The following RREB1 variants were observed in gnomAD, a reference collection of about 807,000 sequenced individuals.
RREB1 encodes the protein ras-responsive element-binding protein 1.
RREB1 carries 27 observed loss-of-function variants against 117.8 expected under a neutral mutation model. The ratio of observed to expected loss-of-function variants is 0.23; its 90% CI spans 0.17 to 0.32. The LOEUF is 0.32. Among genes scored for constraint, RREB1 ranks in the 10% least tolerant of loss-of-function variants. The pLI, the probability that RREB1 is intolerant of heterozygous loss-of-function variation, is 1.00. For missense variants in RREB1, 2,577 were observed against 2,378.2 expected (o/e 1.08, Z -1.74); for synonymous variants, 1,298 against 1,026.7 (o/e 1.26, Z -5.05).
chr6:7,228,856 A>G (rs1488625445), intron 9 of RREB1, 141 bp from the exon 10 acceptor site: 3 of 721,376 alleles, frequency 4.2e-6, no homozygotes, highest in East Asian at 3.3e-5. Context: ...TATATTGCCC[A>G]GGCTGGGAAC....
At chr6:7,116,980 G>C (rs1761426997) in intron 1 of RREB1, among the ~76,000 whole-genome samples, 1 of 152,136 alleles carries the variant, frequency 6.6e-6, no homozygotes, top group South Asian at 2.1e-4. Flanking sequence ...CTTAGTTAGA[G>C]TTTTGTTTCA....
Position 7,230,255 on chromosome 6 carries a change from G to T in RREB1, c.2156G>T (p.Arg719Leu). Residue 719 changes from arginine to leucine, a missense_variant, in exon 10 of 13, where the codon CGC becomes CTC. By Grantham distance (102) the Arg-to-Leu change is moderately radical. Transcript: ENST00000379938. ...AAAGCCAACTGCGAGCGGCACCTGC[G>T]CAAGAAGCACCTCAAGGCCACCCGC... ...TVKANCERHL[R>L]KKHLKATRKD... 2 of 1,601,604 alleles carry T rather than the reference G, an allele frequency of 1.2e-6. No individual in the cohort carries two copies. The highest frequency in any genetic ancestry group is 1.1e-5 in the South Asian group (1 of 91,054).
chr6:7,211,467 C>A lies in RREB1; in HGVS notation c.571-106C>A, dbSNP rs1581543890. 6 of 1,030,534 alleles carry A rather than the reference C, an allele frequency of 5.8e-6. No homozygotes were observed. In the East Asian group the frequency reaches 1.4e-4, roughly 24 times the overall value. 63.8% of individuals were successfully genotyped at this position (1,030,534 alleles called of 1,614,324 possible). Reference sequence around the variant, plus strand: ...AATAATCAGGATTGGATAATGCAACCCTTGCCTTTTATTATTGTAAATCTC... The same window carrying A: ...AATAATCAGGATTGGATAATGCAACACTTGCCTTTTATTATTGTAAATCTC... On this transcript the variant is annotated intron_variant, in intron 7 of 12. Coordinates refer to ENST00000379938, the MANE Select transcript of RREB1 (RefSeq NM_001003699.4).
At chr6:7,162,647 C>A (rs1763725974) in intron 1 of RREB1, among the ~76,000 whole-genome samples, 1 of 151,988 alleles carries the variant, frequency 6.6e-6, no homozygotes, top group African/African-American at 2.4e-5. Flanking sequence ...GCACAGATCC[C>A]AAACCTTACC....
chr6:7,115,332 C>T (rs913398491), intron 1 of RREB1, among the ~76,000 whole-genome samples: 2 of 152,064 alleles, frequency 1.3e-5, no homozygotes, highest in Non-Finnish European at 2.9e-5. Flanking sequence ...CAAGTGTTAA[C>T]TGATCTGACC....
intron 1 of RREB1, among the ~76,000 whole-genome samples, chr6:7,146,953 C>A (rs952465196): frequency 2.0e-5 from 3 of 152,074 alleles, no homozygotes; most frequent in Non-Finnish European, 4.4e-5. Flanking sequence ...AGAATGAAAC[C>A]GTACTTTTCT....
At chr6:7,225,407 G>A (rs1767524426) in intron 8 of RREB1, among the ~76,000 whole-genome samples, 1 of 152,130 alleles carries the variant, frequency 6.6e-6, no homozygotes, top group Admixed American at 6.5e-5. Context: ...GGCTTTGGTG[G>A]CTACTACATT....
At position 7,201,499 on chromosome 6, in the gene RREB1, C is replaced by T. The variant is rs1050957465; in HGVS notation, c.426-9305C>T. 1.1e-3 allele frequency among the ~76,000 whole-genome samples: 157 copies of T among 140,296 alleles called. 2 individuals are homozygous for T. Among genetic ancestry groups the T allele is most frequent in the African/African-American group, 3.9e-3 (146 of 37,688 alleles). 92.0% of individuals were successfully genotyped at this position (140,296 alleles called of 152,430 possible). On this transcript the variant is annotated intron_variant, in intron 6 of 12. Transcript: ENST00000379938. The stretch of plus-strand genomic sequence containing the variant: ...GGTGATTAGTGGCAACATTGTCCCC[C>T]CCCCCCAACCCCCATCCCACCCTCC...
chr6:7,229,260 C>A lies in RREB1; in HGVS notation c.1161C>A (p.Asp387Glu). ...PAPAEEPLPD[D>E]NQAIQLQTLK... ...CCGCCGAGGAGCCCCTGCCGGATGA[C>A]AACCAGGCAATTCAGCTCCAGACAC... The change falls in exon 10 of 13, where the codon GAC becomes GAA. Residue 387 changes from aspartate to glutamate, a missense_variant. Physicochemically the swap from Asp to Glu is conservative, Grantham distance 45. Transcript: ENST00000379938. The surrounding 1 kb of genome is among the most constrained non-coding windows in gnomAD (Gnocchi z 4.5). 1.9e-6 allele frequency: 3 copies of A among 1,614,178 alleles called. No homozygotes were observed. Among genetic ancestry groups the A allele is most frequent in the Non-Finnish European group, 2.5e-6 (3 of 1,180,016 alleles).
intron 1 of RREB1, among the ~76,000 whole-genome samples, chr6:7,119,632 GAC>G (rs1702727422): frequency 6.6e-6 from 1 of 152,184 alleles, no homozygotes; most frequent in African/African-American, 2.4e-5. Context: ...AGGAAGACAA[GAC>G]ACAGAACCAG....
chr6:7,177,257 G>A (rs1436428514), intron 2 of RREB1, among the ~76,000 whole-genome samples: 2 of 140,936 alleles, frequency 1.4e-5, no homozygotes, highest in Non-Finnish European at 3.1e-5. Flanking sequence ...GAAAGAAATT[G>A]TAACTATAAC....
At chr6:7,203,577 C>T (rs765385840) in intron 6 of RREB1, among the ~76,000 whole-genome samples, 2 of 152,138 alleles carry the variant, frequency 1.3e-5, no homozygotes, top group African/African-American at 4.8e-5. Context: ...GAGAGAAGCT[C>T]TGGGCTGATG....
chr6:7,155,388 C>G (rs895199875), intron 1 of RREB1, among the ~76,000 whole-genome samples: 2 of 152,260 alleles, frequency 1.3e-5, no homozygotes, highest in Non-Finnish European at 2.9e-5. Context: ...CTCACTGCAA[C>G]TTCCGTCTCC....
At chr6:7,134,930 T>G (rs1762289674) in intron 1 of RREB1, among the ~76,000 whole-genome samples, 1 of 152,214 alleles carries the variant, frequency 6.6e-6, no homozygotes, top group Non-Finnish European at 1.5e-5. Flanking sequence ...CTGAACGGTT[T>G]CCAGAGCAGC....
rs758391187 is a variant in RREB1, at chr6:7,210,872, G to A, written c.494G>A (p.Arg165His). 5.6e-6 allele frequency: 9 copies of A among 1,614,058 alleles called. No homozygotes were observed. The highest frequency in any genetic ancestry group is 2.2e-5 in the East Asian group (1 of 44,890). ...TATAPPSPLK[R>H]RRLSSKRKLS... is the part of the protein sequence containing the mutation. ...ACAGCCCCTCCATCTCCTCTGAAAC[G>A]TAGGCGATTGTCCTCCAAGAGGAAA... Residue 165 changes from arginine to histidine, a missense_variant, in exon 7 of 13, where the codon CGT (arginine) becomes CAT (histidine). By Grantham distance (29) the Arg-to-His change is conservative. Transcript: ENST00000379938.
At chr6:7,116,266 A>G (rs1489023670) in intron 1 of RREB1, among the ~76,000 whole-genome samples, 1 of 152,054 alleles carries the variant, frequency 6.6e-6, no homozygotes, top group African/African-American at 2.4e-5. Context: ...GCCACACTGA[A>G]TTGATTCTTA....
chr6:7,213,788 A>T (rs1483320440), intron 8 of RREB1: 2 of 152,268 alleles, frequency 1.3e-5, no homozygotes, highest in Non-Finnish European at 2.9e-5. Flanking sequence ...GCTGCAGTGA[A>T]TACAGGCTGT....
At chr6:7,244,315 A>G (rs974453147) in intron 11 of RREB1, among the ~76,000 whole-genome samples, 2 of 151,702 alleles carry the variant, frequency 1.3e-5, no homozygotes, top group African/African-American at 2.4e-5. Flanking sequence ...GCTTATGCCT[A>G]TAACCTCAGC....
rs1027892162 is a variant in RREB1 at position 7,231,351 on chromosome 6, C to A, written c.3252C>A (p.Thr1084=). The stretch of plus-strand genomic sequence containing the variant: ...CCTCGGCCCCCACCCTGCTGAAAAC[C>A]AAGGTGGCGGACCCAGGGCCCGCAA... The part of the protein sequence containing the change: ...SVSSAPTLLK[T]KVADPGPAST... The change falls in exon 10 of 13, where the codon ACC becomes ACA. Residue 1084 remains threonine, a synonymous_variant. Coordinates refer to ENST00000379938, the MANE Select transcript of RREB1 (RefSeq NM_001003699.4). 1 of 1,612,636 alleles carries A rather than the reference C, an allele frequency of 6.2e-7. No individual in the cohort carries two copies. The highest frequency in any genetic ancestry group is 8.5e-7 in the Non-Finnish European group (1 of 1,179,284).
Sources: allele counts gnomAD v4.1 joint callset (sites outside exome capture counted in the v4.1 genomes callset), GRCh38; gene constraint gnomAD v4.1.1; non-coding constraint Gnocchi (gnomAD v3.1); transcripts MANE v1.5; gene names NCBI Gene and HGNC (gene_info 2026-07-23, HGNC 2026-07-21).